RBFOX1: variants seen among roughly 807,000 people sequenced by gnomAD.
The protein encoded by RBFOX1 is RNA binding protein fox-1 homolog 1.
A neutral mutation model predicts 57.7 loss-of-function variants in RBFOX1; 8 were observed. The ratio of observed to expected loss-of-function variants is 0.14; its 90% CI spans 0.08 to 0.25. The LOEUF is 0.25. Ranked by LOEUF, RBFOX1 falls within the 10% of genes least tolerant of loss-of-function variation. The pLI, the probability that RBFOX1 is intolerant of heterozygous loss-of-function variation, is 1.00. For missense variants in RBFOX1, 611 were observed against 548.5 expected, an observed-to-expected ratio of 1.11 and a Z score of -1.14; for synonymous variants, 326 against 222.4, an observed-to-expected ratio of 1.47 and a Z score of -4.15.
intron 1 of RBFOX1, among the ~76,000 whole-genome samples, chr16:6,139,344 A>G (rs1597691895): frequency 6.6e-6 from 1 of 152,164 alleles, no homozygotes; most frequent in African/African-American, 2.4e-5. Flanking sequence ...GACCAAGGTG[A>G]GGTCCCAACT....
intron 4 of RBFOX1, among the ~76,000 whole-genome samples, chr16:5,977,017 G>A (rs1362586993): frequency 6.6e-6 from 1 of 152,160 alleles, no homozygotes; most frequent in Non-Finnish European, 1.5e-5. Flanking sequence ...CACCTGGGGA[G>A]GGGATGGGTA....
intron 4 of RBFOX1, among the ~76,000 whole-genome samples, chr16:7,166,632 A>T (rs1391432354): frequency 6.6e-6 from 1 of 151,884 alleles, no homozygotes; most frequent in Non-Finnish European, 1.5e-5. Flanking sequence ...CTCCTTCGAC[A>T]CCCCTGAGCA....
At chr16:6,106,069 T>G (rs1256177116) in intron 1 of RBFOX1, among the ~76,000 whole-genome samples, 1 of 152,138 alleles carries the variant, frequency 6.6e-6, no homozygotes, top group Non-Finnish European at 1.5e-5. Flanking sequence ...ACTTCTCCAT[T>G]TTCCTTCAAT....
At chr16:7,374,892 C>A (rs1040548131) in intron 4 of RBFOX1, among the ~76,000 whole-genome samples, 6 of 152,172 alleles carry the variant, frequency 3.9e-5, no homozygotes, top group Non-Finnish European at 8.8e-5. Context: ...AGTGTCTCTT[C>A]CATGACCTGC....
chr16:6,448,491 G>A (rs1470702293), intron 2 of RBFOX1, among the ~76,000 whole-genome samples: 1 of 151,964 alleles, frequency 6.6e-6, no homozygotes, highest in East Asian at 1.9e-4. Flanking sequence ...TTGACATTTC[G>A]GGCTAGATGA....
chr16:5,894,080 G>T (rs2058103587), intron 4 of RBFOX1, among the ~76,000 whole-genome samples: 1 of 152,096 alleles, frequency 6.6e-6, no homozygotes, highest in African/African-American at 2.4e-5. Flanking sequence ...TGGTCATGGT[G>T]TGGGTGAGGG....
intron 4 of RBFOX1, among the ~76,000 whole-genome samples, chr16:7,191,175 C>T (rs1350861364): frequency 6.6e-6 from 1 of 152,078 alleles, no homozygotes; most frequent in African/African-American, 2.4e-5. Context: ...CCAAAGGAAA[C>T]CCCTTTCAAC....
intron 4 of RBFOX1, among the ~76,000 whole-genome samples, chr16:7,164,530 A>T (rs1342735639): frequency 6.6e-6 from 1 of 152,198 alleles, no homozygotes; most frequent in Non-Finnish European, 1.5e-5. Flanking sequence ...CAAAAATCCA[A>T]ACCAGAAAAG....
At chr16:5,505,019 C>T (rs560654573) in intron 2 of RBFOX1, among the ~76,000 whole-genome samples, 10 of 152,250 alleles carry the variant, frequency 6.6e-5, no homozygotes, top group Admixed American at 2.0e-4. Context: ...GAGTGATGAA[C>T]GTGTTCTAAA....
At chr16:6,959,815 T>C (rs1239417711) in intron 3 of RBFOX1, among the ~76,000 whole-genome samples, 1 of 152,130 alleles carries the variant, frequency 6.6e-6, no homozygotes, top group African/African-American at 2.4e-5. Flanking sequence ...CAGGCACCTG[T>C]AATTCCAGCT....
At chr16:7,259,859 G>A (rs376655417) in intron 4 of RBFOX1, among the ~76,000 whole-genome samples, 2 of 152,096 alleles carry the variant, frequency 1.3e-5, no homozygotes, top group Non-Finnish European at 1.5e-5. Context: ...TAGTATACCT[G>A]GTGTATTAGG....
intron 3 of RBFOX1, among the ~76,000 whole-genome samples, chr16:5,767,789 T>G (rs1000390813): frequency 6.6e-6 from 1 of 152,138 alleles, no homozygotes; most frequent in Non-Finnish European, 1.5e-5. Context: ...GGCCTAATAC[T>G]CAGCAGTACC....
intron 2 of RBFOX1, among the ~76,000 whole-genome samples, chr16:6,354,092 C>T (rs972861778): frequency 3.3e-5 from 5 of 151,964 alleles, no homozygotes; most frequent in Non-Finnish European, 7.4e-5. Context: ...TGGTGGCATG[C>T]GTCTGTAGTC....
In RBFOX1 at chr16:5,856,575, G is replaced by GTATATATATATATATA. The variant is rs375112636; in HGVS notation, c.319-10713_319-10698dup. 1.4e-3 allele frequency among the ~76,000 whole-genome samples: 47 copies of GTATATATATATATATA among 32,892 alleles called. 3 individuals carry two copies. The highest frequency in any genetic ancestry group is 3.5e-3 in the African/African-American group (28 of 7,946). The allele number at this position is 32,892 out of a possible 152,430, so 21.6% of individuals were successfully genotyped here. On this transcript the variant is annotated intron_variant, in intron 3 of 19. Coordinates refer to the RBFOX1 transcript ENST00000641259. The stretch of plus-strand genomic sequence containing the variant: ...TGTGTGTGTGTGTATGTGTGTGTGT[G>GTATATATATATATATA]TATATATATATATATATATATATAT...
At chr16:6,043,617 C>A (rs930394292) in intron 1 of RBFOX1, among the ~76,000 whole-genome samples, 2 of 152,152 alleles carry the variant, frequency 1.3e-5, no homozygotes, top group Admixed American at 6.5e-5. Flanking sequence ...CCAGAAATTT[C>A]ATGTTTCAGG....
At chr16:5,660,595 TG>T (rs2049613589) in intron 3 of RBFOX1, among the ~76,000 whole-genome samples, 2 of 152,210 alleles carry the variant, frequency 1.3e-5, no homozygotes, top group African/African-American at 4.8e-5. Context: ...AATTTATGGT[TG>T]CCGTTTGCTC....
At chr16:5,478,455 A>T (rs56344427) in intron 2 of RBFOX1, among the ~76,000 whole-genome samples, 1,808 of 152,284 alleles carry the variant, frequency 0.012, 21 homozygotes, top group Non-Finnish European at 0.019. Flanking sequence ...AAAGCTCTAG[A>T]CAGTGAAAGC....
chr16:6,774,371 C>T (rs1005395590), intron 3 of RBFOX1, among the ~76,000 whole-genome samples: 6 of 152,136 alleles, frequency 3.9e-5, no homozygotes, highest in Admixed American at 2.6e-4. Flanking sequence ...TCTACACAGG[C>T]ATAACAAATT....
At chr16:6,871,685 G>A (rs934700170) in intron 3 of RBFOX1, among the ~76,000 whole-genome samples, 1 of 151,908 alleles carries the variant, frequency 6.6e-6, no homozygotes, top group African/African-American at 2.4e-5. Flanking sequence ...CTCCACTCTT[G>A]TCCCCATTAA....
Sources: allele counts gnomAD v4.1 joint callset (sites outside exome capture counted in the v4.1 genomes callset), GRCh38; gene constraint gnomAD v4.1.1; transcripts MANE v1.5; gene names NCBI Gene and HGNC (gene_info 2026-07-23, HGNC 2026-07-21).